The following SGK3 variants were observed in gnomAD, a reference collection of about 807,000 sequenced individuals.
SGK3 encodes serine/threonine-protein kinase Sgk3.
In SGK3, 47 loss-of-function variants were observed where a neutral mutation model predicts 68.5. The observed-to-expected ratio is 0.69, with a 90% CI of 0.54 to 0.87. The LOEUF is 0.87. SGK3 is among the 40% of genes least tolerant of loss of function. The pLI, the probability that SGK3 is intolerant of heterozygous loss-of-function variation, is 0.00. For missense variants in SGK3, 479 were observed against 575.5 expected (o/e 0.83, Z 1.72); for synonymous variants, 181 against 189.1 (o/e 0.96, Z 0.35).
intron 4 of SGK3, 47 bp downstream of exon 4, chr8:66,804,494 T>G (rs907710197): frequency 4.8e-5 from 76 of 1,585,238 alleles, no homozygotes; most frequent in Non-Finnish European, 6.2e-5. Context: ...TGTTGAAGTT[T>G]GAAGAAGTAA....
intron 12 of SGK3, chr8:66,840,813 G>A (rs1027921813): frequency 5.8e-5 from 18 of 312,478 alleles, no homozygotes; most frequent in African/African-American, 3.0e-4. Context: ...CAGGTGGCAC[G>A]CGCCTGTGGT....
At chr8:66,825,415 G>T (rs971812865) in intron 6 of SGK3, among the ~76,000 whole-genome samples, 5 of 146,138 alleles carry the variant, frequency 3.4e-5, no homozygotes, top group African/African-American at 1.0e-4. Flanking sequence ...TGCAAGCTCC[G>T]CCTCCCAGGT....
At chr8:66,764,052 A>C (rs1806247874) in intron 1 of SGK3, among the ~76,000 whole-genome samples, 1 of 152,066 alleles carries the variant, frequency 6.6e-6, no homozygotes, top group African/African-American at 2.4e-5. Flanking sequence ...TTATAGAGAC[A>C]GGATTTTACT....
intron 5 of SGK3, among the ~76,000 whole-genome samples, chr8:66,819,861 A>G (rs1404683102): frequency 6.6e-6 from 1 of 150,790 alleles, no homozygotes; most frequent in Non-Finnish European, 1.5e-5. Flanking sequence ...TCTGTCACCC[A>G]GGCTGGAGTG....
At chr8:66,811,873 G>A (rs955549658) in intron 4 of SGK3, among the ~76,000 whole-genome samples, 2 of 152,266 alleles carry the variant, frequency 1.3e-5, no homozygotes, top group African/African-American at 4.8e-5. Context: ...AGTTTTTAAT[G>A]TAAACTTCAC....
chr8:66,814,761 G>A (rs1051739688), intron 5 of SGK3, among the ~76,000 whole-genome samples: 7 of 152,176 alleles, frequency 4.6e-5, no homozygotes, highest in African/African-American at 9.7e-5. Context: ...CTTTCTGTAG[G>A]CCAGTAGCTC....
chr8:66,744,513 A>T lies in SGK3; in HGVS notation c.-122+31680A>T, dbSNP rs1467200120. Among the ~76,000 whole-genome samples, 24 of 25,828 alleles carry T rather than the reference A, an allele frequency of 9.3e-4. 1 individual carries two copies. Among genetic ancestry groups the T allele is most frequent in the African/African-American group, 4.1e-3 (15 of 3,664 alleles). 16.9% of individuals were successfully genotyped at this position (25,828 alleles called of 152,430 possible). On this transcript the variant is annotated intron_variant, in intron 1 of 16. Transcript: ENST00000521198. ...TATATATATATATATATATATATAT[A>T]TATATATTTTTTTTTTTTTTTTTTT...
At chr8:66,745,247 G>A (rs1805620025) in intron 1 of SGK3, among the ~76,000 whole-genome samples, 1 of 151,916 alleles carries the variant, frequency 6.6e-6, no homozygotes, top group Admixed American at 6.6e-5. Context: ...GATTATTTAG[G>A]AATGAGACAT....
At chr8:66,770,410 T>C (rs1406013384) in intron 1 of SGK3, among the ~76,000 whole-genome samples, 2 of 152,236 alleles carry the variant, frequency 1.3e-5, no homozygotes, top group Admixed American at 6.5e-5. Flanking sequence ...CAATTATGCC[T>C]GGATTTTGAT....
At chr8:66,810,132 T>G (rs1441734370) in intron 4 of SGK3, among the ~76,000 whole-genome samples, 2 of 152,090 alleles carry the variant, frequency 1.3e-5, no homozygotes, top group Non-Finnish European at 2.9e-5. Context: ...ATAAAAGAAT[T>G]TATAGACATT....
intron 1 of SGK3, among the ~76,000 whole-genome samples, chr8:66,748,129 A>G (rs893825469): frequency 6.6e-6 from 1 of 152,194 alleles, no homozygotes; most frequent in East Asian, 1.9e-4. Flanking sequence ...TGAAGCATCT[A>G]ACACACTGCC....
At chr8:66,728,545 T>C (rs1211985677) in intron 1 of SGK3, among the ~76,000 whole-genome samples, 1 of 152,120 alleles carries the variant, frequency 6.6e-6, no homozygotes, top group Non-Finnish European at 1.5e-5. Flanking sequence ...CAGGTTGGTC[T>C]CGAACTCCTG....
At chr8:66,748,956 A>T (rs1002274193) in intron 1 of SGK3, among the ~76,000 whole-genome samples, 2 of 151,956 alleles carry the variant, frequency 1.3e-5, no homozygotes, top group Non-Finnish European at 2.9e-5. Flanking sequence ...GTGCAGTGAC[A>T]CTATCTTGAC....
intron 1 of SGK3, among the ~76,000 whole-genome samples, chr8:66,731,665 G>GGCGCATGC (rs1805157212): frequency 6.6e-6 from 1 of 152,054 alleles, no homozygotes; most frequent in Non-Finnish European, 1.5e-5. Flanking sequence ...CTCCCGAGTA[G>GGCGCATGC]CTGGGACTAC....
At chr8:66,778,109 G>GT (rs1211900468) in intron 1 of SGK3, 1 of 152,170 alleles carries the variant, frequency 6.6e-6, no homozygotes, top group Non-Finnish European at 1.5e-5. Context: ...GTTGGAAGTG[G>GT]TTTTTTCTTT....
At chr8:66,779,601 T>TA (rs747085904) in intron 1 of SGK3, among the ~76,000 whole-genome samples, 5 of 104,118 alleles carry the variant, frequency 4.8e-5, no homozygotes, top group East Asian at 2.5e-4. Context: ...TATATATATA[T>TA]AAAACACATT....
intron 8 of SGK3, among the ~76,000 whole-genome samples, chr8:66,832,268 A>G (rs1809333498): frequency 6.6e-6 from 1 of 152,228 alleles, no homozygotes; most frequent in Non-Finnish European, 1.5e-5. Context: ...AGTATCATAG[A>G]TGAAGTTATC....
At chr8:66,830,942 A>G (rs1197499474) in intron 7 of SGK3, among the ~76,000 whole-genome samples, 2 of 152,224 alleles carry the variant, frequency 1.3e-5, no homozygotes, top group African/African-American at 2.4e-5. Flanking sequence ...AGCTATTTCA[A>G]GTTCAAAACT....
At chr8:66,783,048 C>G (rs1807055547) in intron 1 of SGK3, among the ~76,000 whole-genome samples, 1 of 152,182 alleles carries the variant, frequency 6.6e-6, no homozygotes, top group Admixed American at 6.5e-5. Context: ...TTGTAAGAAA[C>G]TGCCAAACTG....
Sources: gnomAD v4.1 joint callset for allele counts (sites outside exome capture counted in the v4.1 genomes callset) on GRCh38, gnomAD v4.1.1 for gene constraint, MANE v1.5 for transcripts, NCBI Gene and HGNC (gene_info 2026-07-23, HGNC 2026-07-21) for gene names.